The following SHISA9 variants were observed in gnomAD, a reference collection of about 807,000 sequenced individuals.
SHISA9 encodes the protein protein shisa-9.
A neutral mutation model predicts 38.0 loss-of-function variants in SHISA9; 13 were observed. That is an observed-to-expected ratio of 0.34 (90% CI 0.22 to 0.54). The LOEUF is 0.54. Ranked by LOEUF, SHISA9 falls within the 20% of genes least tolerant of loss-of-function variation. The pLI, the probability that SHISA9 is intolerant of heterozygous loss-of-function variation, is 0.91. For missense variants in SHISA9, 538 were observed against 575.8 expected, an observed-to-expected ratio of 0.93 and a Z score of 0.67; for synonymous variants, 275 against 242.0, an observed-to-expected ratio of 1.14 and a Z score of -1.27.
chr16:13,485,568 C>G, the SHISA9 span, among the ~76,000 whole-genome samples: 1 of 151,988 alleles, frequency 6.6e-6, no homozygotes, highest in African/African-American at 2.4e-5. Flanking sequence ...ATTTCAATAC[C>G]TGTATAAAAT....
chr16:13,117,352 C>T (rs2074040354), intron 2 of SHISA9, among the ~76,000 whole-genome samples: 1 of 151,846 alleles, frequency 6.6e-6, no homozygotes, highest in Non-Finnish European at 1.5e-5. Context: ...CACATAAATA[C>T]AGCAGACGTG....
chr16:13,097,033 T>C (rs770490776), intron 2 of SHISA9, among the ~76,000 whole-genome samples: 3 of 152,148 alleles, frequency 2.0e-5, no homozygotes, highest in Non-Finnish European at 4.4e-5. Flanking sequence ...TCTCCCCAAC[T>C]AGAAGTGCAG....
chr16:13,533,156 C>T, the SHISA9 span, among the ~76,000 whole-genome samples: 2 of 152,228 alleles, frequency 1.3e-5, no homozygotes, highest in Non-Finnish European at 2.9e-5. Flanking sequence ...CCCATGACTA[C>T]CTCTTTACTC....
the SHISA9 span, among the ~76,000 whole-genome samples, chr16:13,485,915 T>G: frequency 6.6e-6 from 1 of 152,238 alleles, no homozygotes; most frequent in East Asian, 1.9e-4. Context: ...CCTGACTTAC[T>G]TCATGTAACA....
intron 2 of SHISA9, among the ~76,000 whole-genome samples, chr16:12,990,751 A>G (rs1386297957): frequency 2.6e-5 from 4 of 152,188 alleles, no homozygotes; most frequent in Admixed American, 6.5e-5. Context: ...GCCCCACAAC[A>G]AAGAATTAAT....
At chr16:13,212,570 A>G (rs1005710107) in intron 3 of SHISA9, among the ~76,000 whole-genome samples, 4 of 152,226 alleles carry the variant, frequency 2.6e-5, no homozygotes, top group African/African-American at 4.8e-5. Context: ...TGTATTACTC[A>G]TTATGGGATT....
the SHISA9 span, among the ~76,000 whole-genome samples, chr16:13,400,039 C>A: frequency 1.3e-5 from 2 of 152,220 alleles, no homozygotes; most frequent in East Asian, 1.9e-4. Context: ...CAGAACTCAT[C>A]TCTACAAGTA....
chr16:13,374,618 A>G, the SHISA9 span, among the ~76,000 whole-genome samples: 9 of 152,220 alleles, frequency 5.9e-5, no homozygotes, highest in Non-Finnish European at 1.2e-4. Context: ...TAGTGCTGCA[A>G]TAAACATATG....
chr16:12,936,477 G>A (rs1472700499), intron 2 of SHISA9, among the ~76,000 whole-genome samples: 1 of 152,130 alleles, frequency 6.6e-6, no homozygotes, highest in Admixed American at 6.5e-5. Flanking sequence ...ATGGAGGAGG[G>A]GAAGAAAGAG....
chr16:12,983,048 G>A (rs1267273552), intron 2 of SHISA9, among the ~76,000 whole-genome samples: 1 of 152,190 alleles, frequency 6.6e-6, no homozygotes, highest in Non-Finnish European at 1.5e-5. Context: ...TGTAACTGTT[G>A]ATAAGGGTAG....
At chr16:13,114,951 C>T (rs1004208198) in intron 2 of SHISA9, among the ~76,000 whole-genome samples, 1 of 146,376 alleles carries the variant, frequency 6.8e-6, no homozygotes, top group Non-Finnish European at 1.5e-5. Context: ...TCTCTCTCTC[C>T]CTGTATCTTT....
At chr16:12,912,118 C>G (rs915742693) in intron 1 of SHISA9, among the ~76,000 whole-genome samples, 2 of 151,888 alleles carry the variant, frequency 1.3e-5, no homozygotes, top group South Asian at 2.1e-4. Context: ...CATCAATACA[C>G]GTAAGACCAT....
intron 4 of SHISA9, among the ~76,000 whole-genome samples, chr16:13,213,530 T>A (rs1351790355): frequency 1.3e-5 from 2 of 152,162 alleles, no homozygotes; most frequent in Non-Finnish European, 2.9e-5. Flanking sequence ...CTTCCCAATA[T>A]TTGCTGCCTG....
chr16:13,301,869 A>G, the SHISA9 span, among the ~76,000 whole-genome samples: 157 of 152,318 alleles, frequency 1.0e-3, no homozygotes, highest in South Asian at 2.5e-3. Flanking sequence ...TCAATGTCAA[A>G]CGAGGCTAAT....
intron 4 of SHISA9, among the ~76,000 whole-genome samples, 168 bp downstream of exon 4, chr16:13,213,468 T>TTGTG (rs140527178): frequency 6.6e-5 from 10 of 151,204 alleles, no homozygotes; most frequent in African/African-American, 1.9e-4. Context: ...GTTTGTGTGT[T>TTGTG]TGTGTGTGTG....
At chr16:13,286,565 G>GA in the SHISA9 span, among the ~76,000 whole-genome samples, 3 of 151,632 alleles carry the variant, frequency 2.0e-5, no homozygotes, top group Non-Finnish European at 4.4e-5. Context: ...ACAGTGATTA[G>GA]AAAAAAAATT....
At chr16:13,554,795 G>C in the SHISA9 span, among the ~76,000 whole-genome samples, 1 of 152,066 alleles carries the variant, frequency 6.6e-6, no homozygotes, top group Non-Finnish European at 1.5e-5. Context: ...TAATGCCCCA[G>C]GTTGCATCTA....
the SHISA9 span, among the ~76,000 whole-genome samples, chr16:13,423,474 C>G: frequency 2.6e-5 from 4 of 152,204 alleles, no homozygotes; most frequent in Non-Finnish European, 5.9e-5. Flanking sequence ...TTCAGTATCT[C>G]CGAGAGAGAT....
chr16:13,513,409 C>T, the SHISA9 span, among the ~76,000 whole-genome samples: 2 of 152,178 alleles, frequency 1.3e-5, no homozygotes, highest in Non-Finnish European at 2.9e-5. Flanking sequence ...ATTAGTTCAA[C>T]CATTGTCAAA....
Sources: gnomAD v4.1 joint callset for allele counts (sites outside exome capture counted in the v4.1 genomes callset) on GRCh38, gnomAD v4.1.1 for gene constraint, MANE v1.5 for transcripts, NCBI Gene and HGNC (gene_info 2026-07-23, HGNC 2026-07-21) for gene names.